Variants in PIGU observed in about 807,000 individuals in gnomAD.
PIGU encodes the protein GPI-anchor transamidase component PIGU.
PIGU carries 24 observed loss-of-function variants against 49.9 expected under a neutral mutation model. The ratio of observed to expected loss-of-function variants is 0.48; its 90% CI spans 0.35 to 0.68. The LOEUF is 0.68. PIGU is among the 30% of genes least tolerant of loss of function. The probability of loss-of-function intolerance (pLI) is 0.01; values close to 1 mark genes in which losing one functional copy is unlikely to be tolerated. For missense variants in PIGU, 490 were observed against 532.6 expected, an observed-to-expected ratio of 0.92 and a Z score of 0.79; for synonymous variants, 220 against 205.7, an observed-to-expected ratio of 1.07 and a Z score of -0.59.
chr20:34,585,561 T>G lies in PIGU; in HGVS notation c.802A>C (p.Thr268Pro). Residue 268 changes from threonine to proline, a missense_variant, in exon 9 of 12, where the codon ACT becomes CCT. Transcript: ENST00000217446. ...YGFILSVPDLTPNIGLFWYFF... is the reference protein window; with the variant it reads ...YGFILSVPDLPPNIGLFWYFF... ...TACCAGAAAAGACCAATGTTTGGAG[T>G]GAGATCTGGAACAGAAAGTCTGGAA... 1.2e-6 allele frequency: 2 copies of G among 1,613,240 alleles called. No individual in the cohort carries two copies. The highest frequency in any genetic ancestry group is 1.3e-5 in the African/African-American group (1 of 74,950).
intron 6 of PIGU, among the ~76,000 whole-genome samples, chr20:34,628,572 T>G (rs1985582547): frequency 6.6e-6 from 1 of 152,080 alleles, no homozygotes; most frequent in Non-Finnish European, 1.5e-5. Flanking sequence ...AGACTAGAAC[T>G]GGGCGCAGTG....
chr20:34,612,795 G>A (rs1198764276), intron 7 of PIGU, among the ~76,000 whole-genome samples: 1 of 151,632 alleles, frequency 6.6e-6, no homozygotes, highest in Non-Finnish European at 1.5e-5. Flanking sequence ...GCTAATTTTT[G>A]TAGTTTTAGT....
chr20:34,636,165 T>C (rs879736259), intron 5 of PIGU, among the ~76,000 whole-genome samples: 29 of 150,858 alleles, frequency 1.9e-4, no homozygotes, highest in Non-Finnish European at 3.7e-4. Flanking sequence ...TGTACCACTG[T>C]ACTCCAGCCT....
chr20:34,640,335 T>C (rs1424482323), intron 4 of PIGU, among the ~76,000 whole-genome samples: 1 of 152,170 alleles, frequency 6.6e-6, no homozygotes, highest in Non-Finnish European at 1.5e-5. Flanking sequence ...CTCCCTCAAT[T>C]TCAGCAGCAC....
At chr20:34,608,737 CCACT>C (rs1984706946) in intron 7 of PIGU, among the ~76,000 whole-genome samples, 1 of 152,166 alleles carries the variant, frequency 6.6e-6, no homozygotes, top group Non-Finnish European at 1.5e-5. Flanking sequence ...CAGGGTACAG[CCACT>C]CACTCTGGCA....
chr20:34,608,497 T>TC (rs1205112054), intron 7 of PIGU, among the ~76,000 whole-genome samples: 1 of 152,206 alleles, frequency 6.6e-6, no homozygotes, highest in Non-Finnish European at 1.5e-5. Flanking sequence ...TCTGACTTAG[T>TC]CCTGTTAAGA....
intron 6 of PIGU, among the ~76,000 whole-genome samples, chr20:34,618,961 A>G (rs1237776478): frequency 6.6e-6 from 1 of 152,196 alleles, no homozygotes; most frequent in Admixed American, 6.5e-5. Context: ...GAAACATCTA[A>G]AAACTACCTT....
At chr20:34,650,705 T>C (rs1377585136) in intron 2 of PIGU, among the ~76,000 whole-genome samples, 5 of 33,624 alleles carry the variant, frequency 1.5e-4, no homozygotes, top group South Asian at 7.7e-4. Context: ...TTTCTCTTTT[T>C]TTTTTTTTTT....
At chr20:34,672,492 G>A (rs187993424) in intron 1 of PIGU, among the ~76,000 whole-genome samples, 9 of 152,048 alleles carry the variant, frequency 5.9e-5, no homozygotes, top group Admixed American at 3.3e-4. Context: ...GTAATTGACC[G>A]AAGAATTGGT....
At chr20:34,611,310 C>T (rs1233921449) in intron 7 of PIGU, among the ~76,000 whole-genome samples, 1 of 151,970 alleles carries the variant, frequency 6.6e-6, no homozygotes, top group Non-Finnish European at 1.5e-5. Flanking sequence ...ATCCATCTGA[C>T]AAAGGTCTAA....
chr20:34,630,200 T>C (rs1985654101), intron 6 of PIGU, among the ~76,000 whole-genome samples: 1 of 151,880 alleles, frequency 6.6e-6, no homozygotes, highest in Non-Finnish European at 1.5e-5. Flanking sequence ...AACCCATCCC[T>C]CTAACTTTCT....
chr20:34,565,331 C>T (rs1317771532), intron 11 of PIGU, among the ~76,000 whole-genome samples: 1 of 151,714 alleles, frequency 6.6e-6, no homozygotes, highest in African/African-American at 2.4e-5. Flanking sequence ...GATCTCAGCT[C>T]ACTGCAACCT....
rs1985734609 is a variant in PIGU at position 34,631,742 on chromosome 20, TA to T, written c.529+2872del. On this transcript the variant is annotated intron_variant, in intron 6 of 11. Transcript: ENST00000217446. The stretch of plus-strand genomic sequence containing the variant: ...CTAACCATATATATATATATATATA[TA>T]TATATATATATATATATATATATAT... Among the ~76,000 whole-genome samples, 5 of 2,504 alleles carry T rather than the reference TA, an allele frequency of 2.0e-3. 1 individual carries two copies. In the South Asian group the frequency reaches 0.03, roughly 15 times the overall value. The allele number at this position is 2,504 out of a possible 152,430, so 1.6% of individuals were successfully genotyped here.
chr20:34,581,403 G>A, intron 10 of PIGU, 145 bp downstream of exon 10: 4 of 1,163,584 alleles, frequency 3.4e-6, no homozygotes, highest in Non-Finnish European at 4.8e-6. Flanking sequence ...CCTGGAAGCA[G>A]ATATTGTGCT....
chr20:34,625,973 T>TATAC (rs941545662), intron 6 of PIGU, among the ~76,000 whole-genome samples: 14 of 148,534 alleles, frequency 9.4e-5, no homozygotes, highest in African/African-American at 2.9e-4. Context: ...TATATATATA[T>TATAC]ACACACATAC....
intron 2 of PIGU, among the ~76,000 whole-genome samples, chr20:34,650,605 C>T (rs1986501785): frequency 6.7e-6 from 1 of 150,308 alleles, no homozygotes; most frequent in African/African-American, 2.4e-5. Context: ...AGTTTGATAA[C>T]TTCAATATCT....
At chr20:34,672,647 G>T (rs1011582255) in intron 1 of PIGU, among the ~76,000 whole-genome samples, 1 of 151,710 alleles carries the variant, frequency 6.6e-6, no homozygotes, top group Non-Finnish European at 1.5e-5. Flanking sequence ...GAGGCCAGGA[G>T]CTTAAGACCA....
chr20:34,665,643 A>G (rs1463787306), intron 1 of PIGU, among the ~76,000 whole-genome samples: 1 of 152,092 alleles, frequency 6.6e-6, no homozygotes, highest in Non-Finnish European at 1.5e-5. Flanking sequence ...CCTGGCCCAG[A>G]ATATTTTTAA....
intron 1 of PIGU, among the ~76,000 whole-genome samples, chr20:34,671,818 C>G (rs1490422837): frequency 6.6e-6 from 1 of 151,776 alleles, no homozygotes; most frequent in African/African-American, 2.4e-5. Context: ...ACTCAGGAGG[C>G]TAAGACAGGA....
Sources: allele counts gnomAD v4.1 joint callset (sites outside exome capture counted in the v4.1 genomes callset), GRCh38; gene constraint gnomAD v4.1.1; transcripts MANE v1.5; gene names NCBI Gene and HGNC (gene_info 2026-07-23, HGNC 2026-07-21).